ZFR2: variants seen among roughly 807,000 people sequenced by gnomAD.
The protein encoded by ZFR2 is zinc finger RNA-binding protein 2.
Under a neutral mutation model 105.7 loss-of-function variants are expected in ZFR2, and 104 were observed. The ratio of observed to expected loss-of-function variants is 0.98; its 90% confidence interval spans 0.84 to 1.16. ZFR2 has a LOEUF of 1.16. Among genes scored for constraint, ZFR2 ranks in the 50% most tolerant of loss-of-function variants. The pLI, the probability that ZFR2 is intolerant of heterozygous loss-of-function variation, is 0.00. For missense variants in ZFR2, 1,425 were observed against 1,355.5 expected, an observed-to-expected ratio of 1.05 and a Z score of -0.80; for synonymous variants, 634 against 597.7, an observed-to-expected ratio of 1.06 and a Z score of -0.89.
At chr19:3,852,540 C>T (rs996844595) in intron 1 of ZFR2, 1 of 718,520 alleles carries the variant, frequency 1.4e-6, no homozygotes, top group African/African-American at 1.7e-5. Context: ...GTCACTTCCA[C>T]TGCAGCCAAC....
chr19:3,868,276 C>A (rs965218180), intron 1 of ZFR2, among the ~76,000 whole-genome samples: 2 of 150,908 alleles, frequency 1.3e-5, no homozygotes, highest in Admixed American at 1.3e-4. Context: ...TCGCTGATCT[C>A]TGTTTTCTCC....
intron 1 of ZFR2, among the ~76,000 whole-genome samples, chr19:3,859,500 G>C (rs945679803): frequency 6.6e-6 from 1 of 152,204 alleles, no homozygotes; most frequent in Admixed American, 6.6e-5. Context: ...TGTCCCTCTA[G>C]AGACCCTGGC....
At chr19:3,807,332 G>C in intron 17 of ZFR2, 63 bp from the exon 18 acceptor site, 17 of 1,298,844 alleles carry the variant, frequency 1.3e-5, no homozygotes, top group Non-Finnish European at 1.8e-5. Context: ...GACGGTGACA[G>C]GGCCGTCCCT....
chr19:3,835,598 G>A (rs910260881), intron 1 of ZFR2, among the ~76,000 whole-genome samples: 54 of 150,422 alleles, frequency 3.6e-4, no homozygotes, highest in African/African-American at 1.2e-3. Flanking sequence ...CTCCCAAAGT[G>A]CTGAGATTAC....
chr19:3,805,933 G>T lies in ZFR2; in HGVS notation c.*16C>A, dbSNP rs972217716. On this transcript the variant is annotated 3_prime_UTR_variant, in exon 19 of 19. Transcript: ENST00000262961. Reference sequence around the variant, plus strand: ...TGCAGGGATGCAAAGGCCCGCAGGTGGGGGAGGTAGGCGGCTCACACGAGC... The same window carrying T: ...TGCAGGGATGCAAAGGCCCGCAGGTTGGGGAGGTAGGCGGCTCACACGAGC... 14 of 1,519,888 alleles carry T rather than the reference G, an allele frequency of 9.2e-6. No individual in the cohort carries two copies. The Admixed American group carries it at 1.5e-4, about 16-fold the overall frequency. 94.2% of individuals were successfully genotyped at this position (1,519,888 alleles called of 1,614,324 possible).
At chr19:3,808,163 A>ATGTGTG (rs1232373015) in intron 17 of ZFR2, among the ~76,000 whole-genome samples, 1 of 130,300 alleles carries the variant, frequency 7.7e-6, no homozygotes, top group Non-Finnish European at 1.7e-5. Flanking sequence ...AAGTATGTCC[A>ATGTGTG]TGTGTGTGCC....
intron 3 of ZFR2, 41 bp from the exon 4 acceptor site, chr19:3,831,919 C>G (rs770610227): frequency 1.4e-6 from 2 of 1,456,960 alleles, no homozygotes; most frequent in East Asian, 4.8e-5. Flanking sequence ...CCAACCCCCA[C>G]CCCACTGTCC....
At chr19:3,829,513 G>A (rs2037989141) in intron 5 of ZFR2, among the ~76,000 whole-genome samples, 1 of 151,478 alleles carries the variant, frequency 6.6e-6, no homozygotes, top group Non-Finnish European at 1.5e-5. Flanking sequence ...GGTTTTTGGG[G>A]GGTTTTGTTT....
chr19:3,842,208 C>T (rs758996851), intron 1 of ZFR2, among the ~76,000 whole-genome samples: 98 of 151,888 alleles, frequency 6.5e-4, no homozygotes, highest in Middle Eastern at 3.4e-3. Context: ...AGATGGGGGT[C>T]TTGCTGTGTT....
intron 1 of ZFR2, among the ~76,000 whole-genome samples, chr19:3,839,470 C>T (rs1599242967): frequency 7.6e-6 from 1 of 131,130 alleles, no homozygotes; most frequent in African/African-American, 2.8e-5. Flanking sequence ...GAGGCGGAGG[C>T]GGAGGCTGCA....
intron 6 of ZFR2, among the ~76,000 whole-genome samples, chr19:3,825,655 A>G (rs1001792214): frequency 6.6e-6 from 1 of 151,242 alleles, no homozygotes; most frequent in Non-Finnish European, 1.5e-5. Context: ...CTAGTGTGTG[A>G]GCACGTGGCT....
At chr19:3,852,400 G>A (rs899956381) in intron 1 of ZFR2, 6 of 696,018 alleles carry the variant, frequency 8.6e-6, no homozygotes, top group Non-Finnish European at 1.6e-5. Context: ...GTTGGATGGG[G>A]CACTGTGACT....
chr19:3,818,995 C>T, intron 12 of ZFR2, 50 bp downstream of exon 12: 1 of 1,584,858 alleles, frequency 6.3e-7, no homozygotes, highest in Non-Finnish European at 8.6e-7. Flanking sequence ...GAGGAGCTGA[C>T]CTCTGTCCTG....
chr19:3,853,390 A>G (rs531507897), intron 1 of ZFR2, among the ~76,000 whole-genome samples: 1 of 152,250 alleles, frequency 6.6e-6, no homozygotes, highest in Admixed American at 6.5e-5. Flanking sequence ...GCCTGTAGTT[A>G]CCTTAGGTTT....
chr19:3,821,166 A>G (rs2145147219), intron 10 of ZFR2, among the ~76,000 whole-genome samples, 174 bp downstream of exon 10: 1 of 151,986 alleles, frequency 6.6e-6, no homozygotes, highest in Non-Finnish European at 1.5e-5. Flanking sequence ...TCTGCTCTGG[A>G]ACCCTCTCAC....
At chr19:3,829,015 G>A (rs1378282933) in intron 5 of ZFR2, among the ~76,000 whole-genome samples, 2 of 149,724 alleles carry the variant, frequency 1.3e-5, no homozygotes, top group East Asian at 3.9e-4. Context: ...AGGCTGGAGT[G>A]CAGTGGCGCG....
chr19:3,824,514 T>G (rs756637721), intron 7 of ZFR2, among the ~76,000 whole-genome samples: 10 of 152,078 alleles, frequency 6.6e-5, no homozygotes, highest in Non-Finnish European at 1.2e-4. Context: ...ACTCTGATTC[T>G]GAGCCCAATT....
rs1382296180 is a variant in ZFR2 at position 3,817,755 on chromosome 19, CAAAAAAGA to C, written c.1932-918_1932-911del. On this transcript the variant is annotated intron_variant, in intron 12 of 18. Coordinates refer to ENST00000262961, the MANE Select transcript of ZFR2 (RefSeq NM_015174.2). ...TGGGCAACAGAGCAAGACTCAGTCTCAAAAAAGAAAAAAAAAAAAAAAAAAGGAGAGGG... is the reference window on the plus strand; with the variant it reads ...TGGGCAACAGAGCAAGACTCAGTCTCAAAAAAAAAAAAAAAAAGGAGAGGG... 4.5e-4 allele frequency among the ~76,000 whole-genome samples: 29 copies of C among 64,378 alleles called. No homozygotes were observed. In the East Asian group the frequency reaches 0.017, roughly 38 times the overall value. 42.2% of individuals were successfully genotyped at this position (64,378 alleles called of 152,430 possible).
Position 3,813,798 on chromosome 19 carries a change from G to A in ZFR2, c.2242+22C>T. On this transcript the variant is annotated intron_variant, in intron 14 of 18. Coordinates refer to ENST00000262961, the MANE Select transcript of ZFR2 (RefSeq NM_015174.2). The surrounding 1 kb of genome is among the most constrained non-coding windows in gnomAD (Gnocchi z 4.4). ...GGGAAGCGTGAGGGGGACAGTGGTTGGAAGGAAGGGCTGGGCCGCACCTGG... is the reference window on the plus strand; with the variant it reads ...GGGAAGCGTGAGGGGGACAGTGGTTAGAAGGAAGGGCTGGGCCGCACCTGG... 6.2e-7 allele frequency: 1 copy of A among 1,612,670 alleles called. No homozygotes were observed. The highest frequency in any genetic ancestry group is 8.5e-7 in the Non-Finnish European group (1 of 1,179,288).
Sources: gnomAD v4.1 joint callset for allele counts (sites outside exome capture counted in the v4.1 genomes callset) on GRCh38, gnomAD v4.1.1 for gene constraint, Gnocchi (gnomAD v3.1) non-coding constraint, MANE v1.5 for transcripts, NCBI Gene and HGNC (gene_info 2026-07-23, HGNC 2026-07-21) for gene names.